The following CFAP54 variants were observed in gnomAD, a reference collection of about 807,000 sequenced individuals.
The protein encoded by CFAP54 is cilia- and flagella-associated protein 54.
In CFAP54, 290 loss-of-function variants were observed where a neutral mutation model predicts 370.4. The ratio of observed to expected loss-of-function variants is 0.78; its 90% CI spans 0.71 to 0.86. The LOEUF is 0.86. Among genes scored for constraint, CFAP54 ranks in the 40% least tolerant of loss-of-function variants. CFAP54 has a pLI of 0.00. For synonymous variants in CFAP54, 1,206 were observed against 1,236.5 expected, an observed-to-expected ratio of 0.98 and a Z score of 0.52; for missense variants, 3,399 against 3,528.7, an observed-to-expected ratio of 0.96 and a Z score of 0.93.
intron 45 of CFAP54, among the ~76,000 whole-genome samples, chr12:96,695,928 C>A (rs191592278): frequency 0.018 from 2,795 of 152,202 alleles, 101 homozygotes; most frequent in African/African-American, 0.065. Flanking sequence ...AGAAGAAAGA[C>A]AGAATGTATA....
chr12:96,614,159 T>G (rs572872743), intron 26 of CFAP54, among the ~76,000 whole-genome samples: 1 of 152,194 alleles, frequency 6.6e-6, no homozygotes, highest in Admixed American at 6.5e-5. Context: ...AAAAAGCTTA[T>G]CCACCATGAT....
intron 66 of CFAP54, among the ~76,000 whole-genome samples, chr12:96,857,453 A>G (rs1959739202): frequency 6.6e-6 from 1 of 152,134 alleles, no homozygotes; most frequent in Non-Finnish European, 1.5e-5. Context: ...TCCATGTTCC[A>G]CAAAAGACAT....
At chr12:96,637,972 C>G (rs1484578818) in intron 32 of CFAP54, among the ~76,000 whole-genome samples, 1 of 152,020 alleles carries the variant, frequency 6.6e-6, no homozygotes, top group Non-Finnish European at 1.5e-5. Context: ...GTAGGCTATA[C>G]CATTTAGGTT....
At chr12:96,495,248 CCTTCCTTCCTT>C (rs1565873777) in intron 1 of CFAP54, among the ~76,000 whole-genome samples, 11 of 33,634 alleles carry the variant, frequency 3.3e-4, no homozygotes, top group East Asian at 3.4e-3. Context: ...CTCCTTCCTT[CCTTCCTTCCTT>C]CCTTCCTTCC....
At chr12:96,737,237 T>C (rs1957989530) in intron 50 of CFAP54, among the ~76,000 whole-genome samples, 1 of 152,152 alleles carries the variant, frequency 6.6e-6, no homozygotes, top group Admixed American at 6.5e-5. Context: ...TGAAGAATTT[T>C]GGATTTTTGG....
chr12:96,791,741 G>C (rs186135398), intron 62 of CFAP54, among the ~76,000 whole-genome samples: 10 of 152,282 alleles, frequency 6.6e-5, no homozygotes, highest in Non-Finnish European at 1.0e-4. Context: ...TGGTAATGTT[G>C]AGACTGAAAT....
At chr12:96,542,374 C>T (rs902899412) in intron 14 of CFAP54, among the ~76,000 whole-genome samples, 1 of 152,176 alleles carries the variant, frequency 6.6e-6, no homozygotes, top group African/African-American at 2.4e-5. Flanking sequence ...GTTTGACAAC[C>T]ATCAGCTAAA....
intron 22 of CFAP54, among the ~76,000 whole-genome samples, chr12:96,581,673 AAT>A (rs3055725): frequency 0.57 from 85,214 of 149,854 alleles, 24,356 homozygotes; most frequent in Middle Eastern, 0.65. Context: ...CTATCTAATT[AAT>A]ATATATATAT....
intron 45 of CFAP54, among the ~76,000 whole-genome samples, chr12:96,695,020 CAAAAAAAACAAAAACA>C (rs1957427765): frequency 6.7e-6 from 1 of 149,120 alleles, no homozygotes. Flanking sequence ...GACTCCGTGT[CAAAAAAAACAAAAACA>C]AAAAAAAACA....
At position 96,720,533 on chromosome 12, in the gene CFAP54, A is replaced by C. The variant is rs1353460794; in HGVS notation, c.6933A>C (p.Ala2311=). 5 of 1,581,540 alleles carry C rather than the reference A, an allele frequency of 3.2e-6. No individual in the cohort carries two copies. The highest frequency in any genetic ancestry group is 4.3e-6 in the Non-Finnish European group (5 of 1,160,756). ...IVVEARLQLA[A]VALQRHRAAY... is the part of the protein sequence containing the mutation. ...TGGAGGCCCGGCTTCAGCTGGCTGC[A>C]GTTGCTCTGCAGAGGCACCGGGCGG... Residue 2311 remains alanine (A), a synonymous_variant, in exon 50 of 68, where the codon GCA becomes GCC. Transcript: ENST00000524981.
chr12:96,699,639 A>C (rs1592714551), intron 45 of CFAP54, among the ~76,000 whole-genome samples: 2 of 151,118 alleles, frequency 1.3e-5, no homozygotes, highest in East Asian at 1.9e-4. Flanking sequence ...TAATGGGAAC[A>C]AAAAAAATCA....
chr12:96,752,611 GAGA>G (rs1425229079), intron 55 of CFAP54, among the ~76,000 whole-genome samples: 1 of 152,034 alleles, frequency 6.6e-6, no homozygotes. Context: ...AATTACCAAA[GAGA>G]AGGTGTTCAT....
At chr12:96,569,759 C>G (rs1955896317) in intron 19 of CFAP54, among the ~76,000 whole-genome samples, 1 of 152,162 alleles carries the variant, frequency 6.6e-6, no homozygotes, top group African/African-American at 2.4e-5. Flanking sequence ...TGGACCAGAA[C>G]TAACGAAGAA....
At chr12:96,583,475 T>G (rs939695235) in intron 22 of CFAP54, among the ~76,000 whole-genome samples, 1 of 152,108 alleles carries the variant, frequency 6.6e-6, no homozygotes, top group African/African-American at 2.4e-5. Context: ...AAGTAGTGAG[T>G]GGGCACAATG....
intron 14 of CFAP54, among the ~76,000 whole-genome samples, chr12:96,546,620 G>C (rs1955643071): frequency 6.6e-6 from 1 of 152,154 alleles, no homozygotes; most frequent in South Asian, 2.1e-4. Flanking sequence ...CATGAGGTCA[G>C]GAGTTCAAGA....
intron 45 of CFAP54, 112 bp downstream of exon 45, chr12:96,693,920 C>T: frequency 1.7e-6 from 1 of 597,942 alleles, no homozygotes; most frequent in South Asian, 2.7e-5. Flanking sequence ...CATGGCATTA[C>T]ACTGATGTAA....
At chr12:96,639,331 T>G (rs1379407267) in intron 32 of CFAP54, among the ~76,000 whole-genome samples, 4 of 152,144 alleles carry the variant, frequency 2.6e-5, no homozygotes, top group African/African-American at 9.7e-5. Flanking sequence ...AAATCTAGAA[T>G]AAATGGATAA....
intron 1 of CFAP54, among the ~76,000 whole-genome samples, chr12:96,495,460 G>A (rs546161649): frequency 1.9e-4 from 29 of 150,470 alleles, no homozygotes; most frequent in African/African-American, 7.1e-4. Flanking sequence ...GACTATAGGT[G>A]CATGTCACCA....
At chr12:96,729,643 G>A (rs190130344) in intron 50 of CFAP54, among the ~76,000 whole-genome samples, 52 of 152,310 alleles carry the variant, frequency 3.4e-4, no homozygotes, top group Admixed American at 9.8e-4. Context: ...CGCTTCCCGA[G>A]TGAGGCAATG....
Sources: allele counts gnomAD v4.1 joint callset (sites outside exome capture counted in the v4.1 genomes callset), GRCh38; gene constraint gnomAD v4.1.1; transcripts MANE v1.5; gene names NCBI Gene and HGNC (gene_info 2026-07-23, HGNC 2026-07-21).